Variants in ARID4A observed in about 807,000 individuals in gnomAD.
ARID4A encodes AT-rich interactive domain-containing protein 4A.
A neutral mutation model predicts 148.6 loss-of-function variants in ARID4A; 39 were observed. The ratio of observed to expected loss-of-function variants is 0.26; its 90% CI spans 0.20 to 0.34. ARID4A has a LOEUF of 0.34. Ranked by LOEUF, ARID4A falls within the 10% of genes least tolerant of loss-of-function variation. The probability of loss-of-function intolerance (pLI) is 1.00; values close to 1 mark genes in which losing one functional copy is unlikely to be tolerated. For missense variants in ARID4A, 1,265 were observed against 1,449.1 expected (o/e 0.87, Z 2.06); for synonymous variants, 475 against 481.2 (o/e 0.99, Z 0.17).
rs751731248 is a variant in ARID4A, at chr14:58,299,838, A to T, written c.-17A>T. 8 of 1,614,054 alleles carry T rather than the reference A, an allele frequency of 5.0e-6. No homozygotes were observed. In the East Asian group the frequency reaches 1.3e-4, roughly 27 times the overall value. On this transcript the variant is annotated 5_prime_UTR_variant, in exon 2 of 24. Coordinates refer to ENST00000355431, the MANE Select transcript of ARID4A (RefSeq NM_002892.4). ...AGATAGCTCGCTGAGCTGGAACCCC[A>T]CAGATCACCAACAAAAATGAAGGTA... is the stretch of plus-strand genomic sequence containing the variant.
chr14:58,364,088 G>C, intron 19 of ARID4A, 82 bp from the exon 20 acceptor site: 2 of 736,706 alleles, frequency 2.7e-6, no homozygotes. Flanking sequence ...GATTTTTATT[G>C]TTATTTTTGG....
intron 11 of ARID4A, among the ~76,000 whole-genome samples, chr14:58,331,997 C>CCT (rs2033550487): frequency 4.3e-5 from 1 of 23,212 alleles, no homozygotes; most frequent in African/African-American, 1.4e-4. Context: ...TTTTCCCTAC[C>CCT]CCCCCCCCCC....
rs74055622 is a variant in ARID4A, at chr14:58,323,764, C to T, written c.582+147C>T. On this transcript the variant is annotated intron_variant, in intron 8 of 23. Coordinates refer to ENST00000355431, the MANE Select transcript of ARID4A (RefSeq NM_002892.4). The stretch of plus-strand genomic sequence containing the variant: ...TTTAATTGAATAATCATAGTCAGGT[C>T]CATAATACTTCACTGTCTTCTTTGG... The T allele has an allele frequency of 4.8e-3, 3,093 of 646,960 alleles. 70 individuals carry two copies. In the African/African-American group the frequency reaches 0.051, roughly 11 times the overall value. 40.1% of individuals were successfully genotyped at this position (646,960 alleles called of 1,614,324 possible).
intron 8 of ARID4A, among the ~76,000 whole-genome samples, chr14:58,325,483 C>A (rs2033157811): frequency 6.6e-6 from 1 of 152,034 alleles, no homozygotes; most frequent in Admixed American, 6.6e-5. Flanking sequence ...TGTGGTTTTG[C>A]CATGTTCTCC....
intron 16 of ARID4A, chr14:58,353,389 C>CT (rs1192491949): frequency 3.5e-6 from 1 of 285,614 alleles, no homozygotes; most frequent in Non-Finnish European, 6.4e-6. Context: ...TCAGAAGTGA[C>CT]TTATTTTATT....
In ARID4A at chr14:58,364,363, G is replaced by C. The variant is rs1007115094; in HGVS notation, c.2274G>C (p.Leu758=). The change falls in exon 20 of 24, where the codon CTG becomes CTC. Residue 758 remains leucine (L), a synonymous_variant. Transcript: ENST00000355431. ...DRTQMQPLET[L]KLEVGENEQI... is the part of the protein sequence containing the mutation. ...CTCAAATGCAGCCTTTAGAAACCCT[G>C]AAGTTAGAAGTTGGAGAGAATGAAC... 1 of 1,594,848 alleles carries C rather than the reference G, an allele frequency of 6.3e-7. No homozygotes were observed. The highest frequency in any genetic ancestry group is 8.5e-7 in the Non-Finnish European group (1 of 1,175,258).
At position 58,329,596 on chromosome 14, in the gene ARID4A, C is replaced by T; in HGVS notation, c.731C>T (p.Thr244Ile). ...AATCTACCGGAATCTGAGCTCTCCA[C>T]TAAACCAGGTAAAATAAAGATGAAT... is the stretch of plus-strand genomic sequence containing the variant. ...ILNLPESELS[T>I]KPGLQKASIF... The change falls in exon 10 of 24, where the codon ACT (threonine) becomes ATT (isoleucine). Residue 244 changes from threonine to isoleucine, a missense_variant. Transcript: ENST00000355431. 1 of 1,599,736 alleles carries T rather than the reference C, an allele frequency of 6.3e-7. No individual in the cohort carries two copies. Among genetic ancestry groups the T allele is most frequent in the Middle Eastern group, 1.7e-4 (1 of 6,020 alleles).
intron 18 of ARID4A, 52 bp downstream of exon 18, chr14:58,359,268 T>C (rs1243463082): frequency 6.6e-7 from 1 of 1,508,334 alleles, no homozygotes; most frequent in Non-Finnish European, 9.0e-7. Flanking sequence ...TTATCCAAAT[T>C]GTATTGTGTG....
chr14:58,364,734 C>T lies in ARID4A; in HGVS notation c.2645C>T (p.Ser882Phe), dbSNP rs1425628999. 1 of 1,613,842 alleles carries T rather than the reference C, an allele frequency of 6.2e-7. No individual in the cohort carries two copies. The highest frequency in any genetic ancestry group is 2.2e-5 in the East Asian group (1 of 44,866). The change falls in exon 20 of 24, where the codon TCT (serine) becomes TTT (phenylalanine). Residue 882 changes from serine (S) to phenylalanine (F), a missense_variant. Transcript: ENST00000355431. ...GGAATGGAAATGACAAATACTGTAT[C>T]TCAAGAAAGGACCAGTGATTGTATT... ...ENGMEMTNTV[S>F]QERTSDCIGS...
At chr14:58,343,970 G>A (rs1201063431) in intron 11 of ARID4A, among the ~76,000 whole-genome samples, 2 of 152,084 alleles carry the variant, frequency 1.3e-5, no homozygotes, top group African/African-American at 2.4e-5. Flanking sequence ...AATTTTAAAA[G>A]AAGCTAAATC....
chr14:58,352,489 T>G (rs940845607), intron 16 of ARID4A, among the ~76,000 whole-genome samples: 23 of 152,206 alleles, frequency 1.5e-4, no homozygotes, highest in African/African-American at 5.5e-4. Context: ...ATGTAAAATG[T>G]GATTTAAAAA....
chr14:58,340,842 T>C (rs1230749800), intron 11 of ARID4A, among the ~76,000 whole-genome samples: 1 of 152,230 alleles, frequency 6.6e-6, no homozygotes, highest in Non-Finnish European at 1.5e-5. Flanking sequence ...TCTCTGACTC[T>C]TGCATTTATA....
chr14:58,317,290 A>ATT (rs1215908033), intron 5 of ARID4A, among the ~76,000 whole-genome samples: 7 of 131,650 alleles, frequency 5.3e-5, no homozygotes, highest in African/African-American at 1.7e-4. Flanking sequence ...CTTCTTTTTT[A>ATT]TTTTTTTTTT....
intron 11 of ARID4A, among the ~76,000 whole-genome samples, chr14:58,332,200 T>A (rs2033569439): frequency 6.6e-6 from 1 of 152,152 alleles, no homozygotes; most frequent in Non-Finnish European, 1.5e-5. Flanking sequence ...AAAGCTCTGT[T>A]ACCTATTGTT....
At chr14:58,299,394 G>A (rs2030913766) in intron 1 of ARID4A, 1 of 159,908 alleles carries the variant, frequency 6.3e-6, no homozygotes, top group African/African-American at 2.4e-5. Flanking sequence ...CCGAGCGGCG[G>A]AGGCGGGGCG....
intron 10 of ARID4A, 52 bp from the exon 11 acceptor site, chr14:58,329,951 G>T (rs368068458): frequency 6.4e-7 from 1 of 1,558,878 alleles, no homozygotes; most frequent in Non-Finnish European, 8.6e-7. Flanking sequence ...CTTTTCTATT[G>T]TTCTATGCTG....
chr14:58,363,576 A>G (rs985592642), intron 19 of ARID4A, among the ~76,000 whole-genome samples: 2 of 152,002 alleles, frequency 1.3e-5, no homozygotes, highest in Non-Finnish European at 2.9e-5. Context: ...GCCTGCGCCT[A>G]TCCCAGCTCC....
chr14:58,359,678 A>G (rs1201195652), intron 18 of ARID4A, among the ~76,000 whole-genome samples: 1 of 152,194 alleles, frequency 6.6e-6, no homozygotes, highest in Non-Finnish European at 1.5e-5. Flanking sequence ...ATATCATATA[A>G]TTGGAATCAT....
rs1418947416 is a variant in ARID4A, at chr14:58,372,872, A to G, written c.*883A>G. ...CAACTTGTTAAATATATTTATTCAG[A>G]CATTGGATGTTGTATTTTTATGTAT... On this transcript the variant is annotated 3_prime_UTR_variant, in exon 24 of 24. Transcript: ENST00000355431. 1 of 179,410 alleles carries G rather than the reference A, an allele frequency of 5.6e-6. No homozygotes were observed. 11.1% of individuals were successfully genotyped at this position (179,410 alleles called of 1,614,324 possible).
Sources: allele counts gnomAD v4.1 joint callset (sites outside exome capture counted in the v4.1 genomes callset), GRCh38; gene constraint gnomAD v4.1.1; transcripts MANE v1.5; gene names NCBI Gene and HGNC (gene_info 2026-07-23, HGNC 2026-07-21).